MCTP1: variants seen among roughly 807,000 people sequenced by gnomAD.
MCTP1 encodes multiple C2 and transmembrane domain-containing protein 1.
A neutral mutation model predicts 120.6 loss-of-function variants in MCTP1; 69 were observed. The observed-to-expected ratio is 0.57, with a 90% CI of 0.47 to 0.70. MCTP1 has a LOEUF of 0.70. Among genes scored for constraint, MCTP1 ranks in the 30% least tolerant of loss-of-function variants. The pLI, the probability that MCTP1 is intolerant of heterozygous loss-of-function variation, is 0.00. For synonymous variants in MCTP1, 529 were observed against 493.1 expected (o/e 1.07, Z -0.96); for missense variants, 1,203 against 1,248.8 (o/e 0.96, Z 0.55).
In MCTP1 at chr5:94,860,230, AC is replaced by A. The variant is rs533129067; in HGVS notation, c.2436+8102del. Among the ~76,000 whole-genome samples, 431 of 151,776 alleles carry A rather than the reference AC, an allele frequency of 2.8e-3. 2 individuals are homozygous for A. The highest frequency in any genetic ancestry group is 0.017 in the Middle Eastern group (5 of 294). On this transcript the variant is annotated intron_variant, in intron 17 of 22. Transcript: ENST00000515393. ...CAATGAAGATCTAATAGGTAACGAA[AC>A]CTAAGGAAATATATGTTTATATCTC...
chr5:95,177,895 A>C (rs2152509208), intron 1 of MCTP1, among the ~76,000 whole-genome samples: 1 of 152,298 alleles, frequency 6.6e-6, no homozygotes, highest in Middle Eastern at 3.4e-3. Flanking sequence ...AAATAGGAAA[A>C]ATTTAGTAAA....
chr5:94,743,033 G>A (rs1349261861), intron 19 of MCTP1, among the ~76,000 whole-genome samples: 2 of 151,802 alleles, frequency 1.3e-5, no homozygotes, highest in Admixed American at 6.6e-5. Flanking sequence ...TAGAAGCACG[G>A]AAGACTTCAT....
At chr5:94,788,769 A>C (rs1427829635) in intron 18 of MCTP1, 2 of 151,096 alleles carry the variant, frequency 1.3e-5, no homozygotes, top group Non-Finnish European at 3.0e-5. Context: ...AATCGGTAGG[A>C]TAACACATCC....
At chr5:95,249,725 C>T (rs1757192512) in intron 1 of MCTP1, among the ~76,000 whole-genome samples, 1 of 152,118 alleles carries the variant, frequency 6.6e-6, no homozygotes, top group African/African-American at 2.4e-5. Context: ...TACTGTGACA[C>T]TATTCACAAT....
chr5:94,829,388 C>A (rs2153149312), intron 17 of MCTP1, among the ~76,000 whole-genome samples: 1 of 152,346 alleles, frequency 6.6e-6, no homozygotes. Context: ...TCGCTGGGAG[C>A]TGCAGACCAC....
intron 1 of MCTP1, among the ~76,000 whole-genome samples, chr5:95,196,225 A>G (rs572289296): frequency 6.6e-6 from 1 of 152,338 alleles, no homozygotes; most frequent in South Asian, 2.1e-4. Flanking sequence ...GAGAAAACAA[A>G]GTAAAGATAC....
intron 1 of MCTP1, among the ~76,000 whole-genome samples, chr5:95,073,678 T>C (rs1752810998): frequency 6.6e-6 from 1 of 152,138 alleles, no homozygotes; most frequent in African/African-American, 2.4e-5. Context: ...AGGGCAGGAA[T>C]ATGGAACACA....
intron 1 of MCTP1, among the ~76,000 whole-genome samples, chr5:95,056,995 G>A (rs1747559614): frequency 6.6e-6 from 1 of 152,018 alleles, no homozygotes; most frequent in Admixed American, 6.6e-5. Flanking sequence ...AATACACTAT[G>A]TTTTGCTTAT....
chr5:95,263,579 T>C (rs1758646552), intron 1 of MCTP1, among the ~76,000 whole-genome samples: 1 of 152,154 alleles, frequency 6.6e-6, no homozygotes, highest in Non-Finnish European at 1.5e-5. Context: ...AGTTAATTCA[T>C]GCTAAAGTAT....
chr5:95,276,231 G>C (rs1759813308), intron 1 of MCTP1, among the ~76,000 whole-genome samples: 2 of 142,444 alleles, frequency 1.4e-5, no homozygotes, highest in Admixed American at 1.4e-4. Flanking sequence ...GTGAGGACAG[G>C]ATTCTTGGTC....
chr5:94,958,935 C>A (rs1392229961), intron 2 of MCTP1, among the ~76,000 whole-genome samples: 1 of 152,154 alleles, frequency 6.6e-6, no homozygotes, highest in African/African-American at 2.4e-5. Flanking sequence ...CCAGCATCAT[C>A]CTGATACCAA....
At chr5:94,759,114 T>C (rs1465946263) in intron 19 of MCTP1, among the ~76,000 whole-genome samples, 1 of 152,082 alleles carries the variant, frequency 6.6e-6, no homozygotes, top group East Asian at 1.9e-4. Flanking sequence ...CACAAAGACA[T>C]AAAAATGCAC....
At chr5:95,087,991 C>T (rs970147726) in intron 1 of MCTP1, among the ~76,000 whole-genome samples, 1 of 152,218 alleles carries the variant, frequency 6.6e-6, no homozygotes, top group Non-Finnish European at 1.5e-5. Flanking sequence ...AGTCTGCCTA[C>T]AGGAGCAAAA....
At chr5:95,209,796 C>T (rs1306853947) in intron 1 of MCTP1, among the ~76,000 whole-genome samples, 1 of 152,160 alleles carries the variant, frequency 6.6e-6, no homozygotes. Flanking sequence ...CCTGCTTTCT[C>T]TTGTGGGCAT....
intron 1 of MCTP1, among the ~76,000 whole-genome samples, chr5:95,157,307 G>A (rs1301432557): frequency 6.6e-6 from 1 of 152,062 alleles, no homozygotes; most frequent in Non-Finnish European, 1.5e-5. Flanking sequence ...GATAGAAGAG[G>A]GTACTGCTAT....
chr5:94,705,539 C>T lies in MCTP1; in HGVS notation c.*1957G>A, dbSNP rs1205466768. On this transcript the variant is annotated 3_prime_UTR_variant, in exon 23 of 23. Transcript: ENST00000515393. Reference sequence around the variant, plus strand: ...AAAAAAAAAAGGAGTGCTGATTATACGTGGGAAAGATTATTTTCTTTTGTA... The same window carrying T: ...AAAAAAAAAAGGAGTGCTGATTATATGTGGGAAAGATTATTTTCTTTTGTA... 25 of 146,202 alleles carry T rather than the reference C, an allele frequency of 1.7e-4. No individual in the cohort carries two copies. The Admixed American group carries it at 1.7e-3, about 10-fold the overall frequency. The allele number at this position is 146,202 out of a possible 1,614,324, so 9.1% of individuals were successfully genotyped here.
At chr5:94,761,692 C>T (rs182368325) in intron 19 of MCTP1, among the ~76,000 whole-genome samples, 1 of 152,260 alleles carries the variant, frequency 6.6e-6, no homozygotes, top group African/African-American at 2.4e-5. Context: ...CTACAGATGG[C>T]CACACAGTAT....
chr5:95,103,817 C>T (rs1205543878), intron 1 of MCTP1, among the ~76,000 whole-genome samples: 1 of 152,128 alleles, frequency 6.6e-6, no homozygotes, highest in Non-Finnish European at 1.5e-5. Flanking sequence ...ATATGGTACA[C>T]TGTAACAGGG....
intron 1 of MCTP1, among the ~76,000 whole-genome samples, chr5:95,039,501 C>T (rs1841948163): frequency 6.6e-6 from 1 of 152,052 alleles, no homozygotes; most frequent in Non-Finnish European, 1.5e-5. Flanking sequence ...TTAAAGAAGG[C>T]CAACAAATCA....
Sources: allele counts gnomAD v4.1 joint callset (sites outside exome capture counted in the v4.1 genomes callset), GRCh38; gene constraint gnomAD v4.1.1; transcripts MANE v1.5; gene names NCBI Gene and HGNC (gene_info 2026-07-23, HGNC 2026-07-21).